FGGY: variants seen among roughly 807,000 people sequenced by gnomAD.
The protein encoded by FGGY is FGGY carbohydrate kinase domain-containing protein.
A neutral mutation model predicts 71.3 loss-of-function variants in FGGY; 72 were observed. The ratio of observed to expected loss-of-function variants is 1.01; its 90% CI spans 0.84 to 1.23. The LOEUF is 1.23. Ranked by LOEUF, FGGY falls within the 50% of genes most tolerant of loss-of-function variation. The pLI is 0.00. For missense variants in FGGY, 668 were observed against 682.3 expected (o/e 0.98, Z 0.23); for synonymous variants, 251 against 250.3 (o/e 1.00, Z -0.02).
intron 6 of FGGY, among the ~76,000 whole-genome samples, chr1:59,482,886 T>A (rs1469817376): frequency 6.6e-6 from 1 of 152,100 alleles, no homozygotes; most frequent in East Asian, 1.9e-4. Context: ...CCCCATTTTC[T>A]ACTCTGTGAA....
chr1:59,301,903 T>TTC (rs1235153836), intron 1 of FGGY, among the ~76,000 whole-genome samples: 4 of 145,030 alleles, frequency 2.8e-5, no homozygotes, highest in Non-Finnish European at 6.1e-5. Context: ...CTTTCTTTCT[T>TTC]TTTTTTTTTT....
At chr1:59,695,826 ATT>A (rs2097652916) in intron 14 of FGGY, among the ~76,000 whole-genome samples, 1 of 151,982 alleles carries the variant, frequency 6.6e-6, no homozygotes, top group Admixed American at 6.6e-5. Context: ...CCTTAAGCTA[ATT>A]TTTTTCTTCT....
At chr1:59,721,337 G>GTTTTTTTTTTTTGTT (rs2097891941) in intron 14 of FGGY, among the ~76,000 whole-genome samples, 1 of 105,376 alleles carries the variant, frequency 9.5e-6, no homozygotes, top group African/African-American at 4.2e-5. Context: ...TCTTTCCTTT[G>GTTTTTTTTTTTTGTT]TTTTTTTTTT....
intron 6 of FGGY, among the ~76,000 whole-genome samples, chr1:59,466,214 A>G (rs1340790402): frequency 6.6e-6 from 1 of 152,156 alleles, no homozygotes; most frequent in East Asian, 1.9e-4. Flanking sequence ...ATCTACAACC[A>G]TCTGATCTTT....
intron 14 of FGGY, among the ~76,000 whole-genome samples, chr1:59,699,793 G>T (rs1027576068): frequency 2.0e-5 from 3 of 152,170 alleles, no homozygotes; most frequent in African/African-American, 7.2e-5. Flanking sequence ...TTTGTAACAG[G>T]CATGTCCCGC....
At chr1:59,587,942 A>G (rs2096341707) in intron 8 of FGGY, among the ~76,000 whole-genome samples, 1 of 152,254 alleles carries the variant, frequency 6.6e-6, no homozygotes, top group African/African-American at 2.4e-5. Flanking sequence ...ACAAAGCTGG[A>G]CAGAGATTGA....
intron 2 of FGGY, among the ~76,000 whole-genome samples, chr1:59,329,415 G>C (rs2048032146): frequency 6.6e-6 from 1 of 152,242 alleles, no homozygotes; most frequent in Non-Finnish European, 1.5e-5. Flanking sequence ...GCTTACTGCA[G>C]GGTTGCCACA....
At chr1:59,581,799 G>T (rs2096199430) in intron 8 of FGGY, among the ~76,000 whole-genome samples, 1 of 150,126 alleles carries the variant, frequency 6.7e-6, no homozygotes, top group Non-Finnish European at 1.5e-5. Flanking sequence ...CAGCTAGTAA[G>T]TAGCAGACCT....
chr1:59,501,541 A>G (rs2094223023), intron 6 of FGGY, among the ~76,000 whole-genome samples: 2 of 152,178 alleles, frequency 1.3e-5, no homozygotes, highest in African/African-American at 2.4e-5. Context: ...GAAGTGGGGT[A>G]ACTCTCCATG....
intron 5 of FGGY, among the ~76,000 whole-genome samples, chr1:59,447,119 ATG>A (rs1275765611): frequency 6.6e-6 from 1 of 152,192 alleles, no homozygotes; most frequent in East Asian, 1.9e-4. Context: ...AAACTCTGAT[ATG>A]TATATAGAGG....
At position 59,757,836 on chromosome 1, in the gene FGGY, G is replaced by C. The variant is rs929541453; in HGVS notation, c.1513-95G>C. The C allele has an allele frequency of 2.6e-5, 21 of 801,462 alleles. No homozygotes were observed. The Admixed American group carries it at 4.1e-4, about 16-fold the overall frequency. 49.6% of individuals were successfully genotyped at this position (801,462 alleles called of 1,614,324 possible). On this transcript the variant is annotated intron_variant, in intron 14 of 15. Coordinates refer to ENST00000303721, the MANE Select transcript of FGGY (RefSeq NM_018291.5). ...GAGGACTAACCAAATATCTTAAAGG[G>C]AAGCAAATTCAAATTAGAATGTTTT... is the stretch of plus-strand genomic sequence containing the variant.
chr1:59,352,596 G>A (rs374184441), intron 4 of FGGY, among the ~76,000 whole-genome samples: 3 of 145,016 alleles, frequency 2.1e-5, no homozygotes, highest in African/African-American at 8.7e-5. Context: ...AGATTCTTTG[G>A]GGGGAACCTG....
chr1:59,429,480 C>T (rs572653559), intron 5 of FGGY, among the ~76,000 whole-genome samples: 1 of 152,076 alleles, frequency 6.6e-6, no homozygotes, highest in Admixed American at 6.5e-5. Context: ...TGATCAAAAC[C>T]GACATGAAAA....
At chr1:59,458,990 C>T (rs1477698902) in intron 6 of FGGY, among the ~76,000 whole-genome samples, 4 of 152,138 alleles carry the variant, frequency 2.6e-5, no homozygotes, top group Non-Finnish European at 5.9e-5. Context: ...TTCCAGTGGC[C>T]TCATTGCCCG....
intron 4 of FGGY, among the ~76,000 whole-genome samples, chr1:59,377,081 T>G (rs944118439): frequency 6.6e-6 from 1 of 152,072 alleles, no homozygotes. Context: ...GTGCTTGTAG[T>G]AAGGGGATGA....
At chr1:59,479,373 A>G (rs1035615291) in intron 6 of FGGY, among the ~76,000 whole-genome samples, 1 of 152,138 alleles carries the variant, frequency 6.6e-6, no homozygotes, top group Non-Finnish European at 1.5e-5. Context: ...GAAGATGGAG[A>G]TTTGCTTGAG....
At chr1:59,589,929 A>T (rs2096395656) in intron 8 of FGGY, among the ~76,000 whole-genome samples, 1 of 152,290 alleles carries the variant, frequency 6.6e-6, no homozygotes, top group East Asian at 1.9e-4. Flanking sequence ...GCAAGAAATA[A>T]CTAAAATCAC....
At chr1:59,659,380 C>T (rs942228825) in intron 11 of FGGY, among the ~76,000 whole-genome samples, 7 of 152,210 alleles carry the variant, frequency 4.6e-5, no homozygotes, top group Middle Eastern at 3.4e-3. Context: ...TGATGCAAAC[C>T]GCATGTCCAT....
chr1:59,647,728 C>T (rs937500102), intron 11 of FGGY, among the ~76,000 whole-genome samples: 7 of 151,104 alleles, frequency 4.6e-5, no homozygotes, highest in African/African-American at 1.5e-4. Context: ...GGGCCCACCA[C>T]CCCTGCCACC....
Sources: gnomAD v4.1 joint callset for allele counts (sites outside exome capture counted in the v4.1 genomes callset) on GRCh38, gnomAD v4.1.1 for gene constraint, MANE v1.5 for transcripts, NCBI Gene and HGNC (gene_info 2026-07-23, HGNC 2026-07-21) for gene names.